The following FRMD4B variants were observed in gnomAD, a reference collection of about 807,000 sequenced individuals.
The protein encoded by FRMD4B is FERM domain containing 4B.
In FRMD4B, 74 loss-of-function variants were observed where a neutral mutation model predicts 141.5. The observed-to-expected ratio is 0.52, with a 90% CI of 0.43 to 0.63. The LOEUF is 0.63. Ranked by LOEUF, FRMD4B falls within the 30% of genes least tolerant of loss-of-function variation. The probability of loss-of-function intolerance (pLI) is 0.00; values close to 1 mark genes in which losing one functional copy is unlikely to be tolerated. For missense variants in FRMD4B, 1,366 were observed against 1,253.4 expected (o/e 1.09, Z -1.36); for synonymous variants, 506 against 467.9 (o/e 1.08, Z -1.05).
At chr3:69,457,957 G>A (rs866375620) in intron 1 of FRMD4B, among the ~76,000 whole-genome samples, 7 of 152,266 alleles carry the variant, frequency 4.6e-5, no homozygotes, top group Admixed American at 3.3e-4. Context: ...GGGCTGCAGA[G>A]TTGGCAGAAA....
At chr3:69,227,385 C>T (rs573311797) in intron 7 of FRMD4B, among the ~76,000 whole-genome samples, 27 of 152,044 alleles carry the variant, frequency 1.8e-4, no homozygotes, top group Middle Eastern at 6.8e-3. Context: ...TATTCTTAAC[C>T]GGGTGCAGTG....
chr3:69,508,595 T>C lies in FRMD4B; in HGVS notation c.-129+33611A>G, dbSNP rs554214422. ...GTAGGCTAGGGAAAGTAGTCTCTAA[T>C]TGGTCATCCACCTGCCCAGATAAAG... On this transcript the variant is annotated intron_variant, in intron 1 of 5. Coordinates refer to the FRMD4B transcript ENST00000459638. Among the ~76,000 whole-genome samples the C allele has an allele frequency of 1.3e-4, 20 of 152,310 alleles. No individual in the cohort carries two copies. The South Asian group carries it at 4.1e-3, about 32-fold the overall frequency.
At chr3:69,386,278 C>G (rs904700683), upstream of FRMD4B, 9 of 317,128 alleles carry the variant, frequency 2.8e-5, no homozygotes, top group Non-Finnish European at 5.2e-5. Context: ...AGCTGGCCCT[C>G]GATGCTCCCG....
chr3:69,245,845 T>G (rs1259621487), intron 7 of FRMD4B, among the ~76,000 whole-genome samples: 1 of 144,870 alleles, frequency 6.9e-6, no homozygotes, highest in East Asian at 2.0e-4. Flanking sequence ...TTTTTTTTTT[T>G]TTTTTTTTTT....
chr3:69,391,826 A>T (rs1704390123), intron 2 of FRMD4B, among the ~76,000 whole-genome samples: 1 of 152,184 alleles, frequency 6.6e-6, no homozygotes. Flanking sequence ...ACTGGAAGGC[A>T]TTTAGTGACC....
intron 11 of FRMD4B, among the ~76,000 whole-genome samples, chr3:69,204,449 C>T (rs1190292449): frequency 6.6e-6 from 1 of 152,156 alleles, no homozygotes; most frequent in Non-Finnish European, 1.5e-5. Context: ...AAATTTGAGA[C>T]AGTCACAGCT....
Position 69,190,026 on chromosome 3 carries a change from T to G in FRMD4B, c.1715-74A>C. On this transcript the variant is annotated intron_variant, in intron 17 of 22. Coordinates refer to ENST00000398540, the MANE Select transcript of FRMD4B (RefSeq NM_015123.3). The stretch of plus-strand genomic sequence containing the variant: ...TAGAGGGGTCTTAGATAAACAATTT[T>G]CAATGGAATGCATTTTCATTTAAAT... The G allele has an allele frequency of 3.9e-6, 3 of 777,556 alleles. No individual in the cohort carries two copies. The South Asian group carries it at 4.7e-5, about 12-fold the overall frequency. 48.2% of individuals were successfully genotyped at this position (777,556 alleles called of 1,614,324 possible). A position where few individuals can be genotyped will look rare whatever the true frequency, so the allele number is the denominator to read the frequency against.
At chr3:69,200,600 T>G in intron 11 of FRMD4B, 1 of 1,193,064 alleles carries the variant, frequency 8.4e-7, no homozygotes, top group Admixed American at 3.5e-5. Flanking sequence ...GCAACTCTCC[T>G]GAGTGACACC....
chr3:69,184,789 A>G (rs956389062), intron 19 of FRMD4B, among the ~76,000 whole-genome samples: 2 of 152,214 alleles, frequency 1.3e-5, no homozygotes, highest in African/African-American at 4.8e-5. Flanking sequence ...TGTTCTGACC[A>G]ATATGATAGC....
chr3:69,181,940 C>T (rs1268798731), intron 20 of FRMD4B, among the ~76,000 whole-genome samples: 4 of 151,980 alleles, frequency 2.6e-5, no homozygotes, highest in Admixed American at 6.6e-5. Flanking sequence ...CTGTTAGTTG[C>T]GCAAGCCAAA....
intron 1 of FRMD4B, among the ~76,000 whole-genome samples, chr3:69,336,793 A>C (rs2107356675): frequency 6.6e-6 from 1 of 152,136 alleles, no homozygotes; most frequent in Middle Eastern, 3.4e-3. Flanking sequence ...AAATATAAAA[A>C]ATTAGCTGGG....
chr3:69,205,371 G>A (rs1686172695), intron 11 of FRMD4B, among the ~76,000 whole-genome samples: 1 of 152,040 alleles, frequency 6.6e-6, no homozygotes, highest in Non-Finnish European at 1.5e-5. Flanking sequence ...TTCACTGGAG[G>A]CTAATTTTTT....
At chr3:69,249,514 A>G (rs2093447567) in intron 6 of FRMD4B, among the ~76,000 whole-genome samples, 1 of 152,246 alleles carries the variant, frequency 6.6e-6, no homozygotes, top group Non-Finnish European at 1.5e-5. Context: ...GTACGTTTTT[A>G]AGATCACATG....
At chr3:69,479,838 G>T (rs568835551) in intron 1 of FRMD4B, among the ~76,000 whole-genome samples, 16 of 152,290 alleles carry the variant, frequency 1.1e-4, no homozygotes, top group Non-Finnish European at 1.8e-4. Flanking sequence ...TTACTTTCAG[G>T]TACAGCAATC....
At chr3:69,476,800 G>A (rs1297822664) in intron 1 of FRMD4B, among the ~76,000 whole-genome samples, 1 of 152,122 alleles carries the variant, frequency 6.6e-6, no homozygotes, top group Non-Finnish European at 1.5e-5. Flanking sequence ...TGGGCAGTAT[G>A]GCTATTTTCA....
chr3:69,213,728 T>A (rs139183490), intron 11 of FRMD4B, among the ~76,000 whole-genome samples: 2 of 151,208 alleles, frequency 1.3e-5, no homozygotes, highest in Non-Finnish European at 2.9e-5. Flanking sequence ...AGTGGCATGA[T>A]CATAGTTCAT....
chr3:69,524,215 A>G (rs1373412244), intron 1 of FRMD4B, among the ~76,000 whole-genome samples: 1 of 152,220 alleles, frequency 6.6e-6, no homozygotes, highest in Non-Finnish European at 1.5e-5. Flanking sequence ...AGTAACAGCC[A>G]TCTTTCACTG....
chr3:69,455,331 T>G (rs565947485), intron 1 of FRMD4B, among the ~76,000 whole-genome samples: 1 of 152,312 alleles, frequency 6.6e-6, no homozygotes, highest in East Asian at 1.9e-4. Flanking sequence ...TTGCAATAAA[T>G]TTTTGCAGTT....
At chr3:69,261,367 C>G in intron 5 of FRMD4B, among the ~76,000 whole-genome samples, 1 of 152,208 alleles carries the variant, frequency 6.6e-6, no homozygotes, top group East Asian at 1.9e-4. Context: ...CTCACCAATT[C>G]TGGACACACT....
Sources: gnomAD v4.1 joint callset for allele counts (sites outside exome capture counted in the v4.1 genomes callset) on GRCh38, gnomAD v4.1.1 for gene constraint, MANE v1.5 for transcripts, NCBI Gene and HGNC (gene_info 2026-07-23, HGNC 2026-07-21) for gene names.